Variants in DIDO1 observed in about 807,000 individuals in gnomAD.
DIDO1 encodes death inducer-obliterator 1.
Under a neutral mutation model 99.4 loss-of-function variants are expected in DIDO1, and 16 were observed. The ratio of observed to expected loss-of-function variants is 0.16; its 90% CI spans 0.11 to 0.24. The LOEUF is 0.24. Among genes scored for constraint, DIDO1 ranks in the 10% least tolerant of loss-of-function variants. The probability of loss-of-function intolerance (pLI) is 1.00; values close to 1 mark genes in which losing one functional copy is unlikely to be tolerated. For missense variants in DIDO1, 2,996 were observed against 3,014.0 expected (o/e 0.99, Z 0.14); for synonymous variants, 1,366 against 1,239.1 (o/e 1.10, Z -2.15).
chr20:62,909,097 G>A (rs2064869651), intron 4 of DIDO1, among the ~76,000 whole-genome samples: 1 of 152,228 alleles, frequency 6.6e-6, no homozygotes, highest in African/African-American at 2.4e-5. Context: ...GATGCTTCTA[G>A]ACACAGCAAT....
intron 6 of DIDO1, among the ~76,000 whole-genome samples, chr20:62,898,673 C>T (rs956097640): frequency 2.0e-5 from 3 of 152,238 alleles, no homozygotes; most frequent in Admixed American, 1.3e-4. Context: ...CTTGGCAACA[C>T]TGCCAAGCCC....
chr20:62,896,461 A>T lies in DIDO1; in HGVS notation c.2055-69T>A. 1.9e-6 allele frequency: 3 copies of T among 1,588,378 alleles called. No individual in the cohort carries two copies. The highest frequency in any genetic ancestry group is 2.6e-6 in the Non-Finnish European group (3 of 1,170,518). ...TATTAAACTTTTTGAACAGTGAGGC[A>T]ATCCTGCAGCCACACTCTAATGAAA... On this transcript the variant is annotated intron_variant, in intron 7 of 15. Transcript: ENST00000395343. This position sits in a 1 kb window ranked among gnomAD's most constrained non-coding sequence, Gnocchi z 4.4.
At position 62,879,821 on chromosome 20, in the gene DIDO1, C is replaced by T. The variant is rs761426255; in HGVS notation, c.6135G>A (p.Gly2045=). Residue 2045 remains glycine (G), a synonymous_variant, in exon 16 of 16, where the codon GGG becomes GGA. Coordinates refer to ENST00000395343, the MANE Select transcript of DIDO1 (RefSeq NM_001193369.2). The surrounding 1 kb of genome is among the most constrained non-coding windows in gnomAD (Gnocchi z 6.3). ...QHRKDRWEEA[G]PPSALSSSAP... The stretch of plus-strand genomic sequence containing the variant: ...CACTGGAGGAGAGCGCGGAGGGCGG[C>T]CCGGCCTCCTCCCAGCGGTCCTTCC... The T allele has an allele frequency of 6.2e-7, 1 of 1,609,104 alleles. No homozygotes were observed. Among genetic ancestry groups the T allele is most frequent in the South Asian group, 1.1e-5 (1 of 90,938 alleles).
chr20:62,882,365 T>C lies in DIDO1; in HGVS notation c.3591A>G (p.Gln1197=). ...PNIILGLVIC[Q]KIKRPANSGE... is the part of the protein sequence containing the mutation. ...CACTGTTTGCGGGACGTTTGATTTTTTGGCAGATTACTAACCCAAGAATTA... is the reference window on the plus strand; with the variant it reads ...CACTGTTTGCGGGACGTTTGATTTTCTGGCAGATTACTAACCCAAGAATTA... The change falls in exon 16 of 16, where the codon CAA becomes CAG. Residue 1197 remains glutamine, a synonymous_variant. Coordinates refer to ENST00000395343, the MANE Select transcript of DIDO1 (RefSeq NM_001193369.2). 1 of 1,614,024 alleles carries C rather than the reference T, an allele frequency of 6.2e-7. No individual in the cohort carries two copies. The highest frequency in any genetic ancestry group is 8.5e-7 in the Non-Finnish European group (1 of 1,180,022).
upstream of DIDO1, chr20:62,929,181 C>T (rs746313712): frequency 9.8e-5 from 15 of 152,286 alleles, no homozygotes; most frequent in Non-Finnish European, 1.3e-4. Context: ...CAGAGACGGC[C>T]CGTCCTCTCC....
chr20:62,933,106 G>A (rs1357494411), intron 1 of DIDO1, among the ~76,000 whole-genome samples: 3 of 152,260 alleles, frequency 2.0e-5, no homozygotes, highest in Admixed American at 1.3e-4. Flanking sequence ...CAGTTACTCA[G>A]GAGGCTGAGG....
At chr20:62,922,021 T>C (rs548068796) in intron 1 of DIDO1, among the ~76,000 whole-genome samples, 197 of 143,732 alleles carry the variant, frequency 1.4e-3, no homozygotes, top group Admixed American at 1.9e-3. Flanking sequence ...ATCCACACAA[T>C]ATATATCCAC....
Position 62,881,755 on chromosome 20 carries a change from G to A in DIDO1, c.4201C>T (p.Leu1401Phe), listed in dbSNP as rs1183549755. ...TCGTGGCGCCGCCCTCGCTCCACAA[G>A]CTGAGTGTCGAAGGCCCTCTCCGGG... Reference protein sequence around the residue: ...YDPERAFDTQLVERGRRHEVE... With the variant: ...YDPERAFDTQFVERGRRHEVE... The change falls in exon 16 of 16, where the codon CTT becomes TTT. Residue 1401 changes from leucine to phenylalanine, a missense_variant. Around this residue, in one of 5 missense-constraint regions of DIDO1, gnomAD observed 1,562 missense variants for 1,412.6 expected, o/e 1.11. Coordinates refer to ENST00000395343, the MANE Select transcript of DIDO1 (RefSeq NM_001193369.2). This position sits in a 1 kb window ranked among gnomAD's most constrained non-coding sequence, Gnocchi z 8.3. 5 of 1,613,092 alleles carry A rather than the reference G, an allele frequency of 3.1e-6. No individual in the cohort carries two copies. The highest frequency in any genetic ancestry group is 4.2e-6 in the Non-Finnish European group (5 of 1,180,040).
At chr20:62,905,515 T>G in intron 6 of DIDO1, 1 of 1,550,876 alleles carries the variant, frequency 6.4e-7, no homozygotes, top group Non-Finnish European at 8.7e-7. Flanking sequence ...GAACAACTCA[T>G]GTGCAGACAG....
Position 62,879,174 on chromosome 20 carries a change from T to C in DIDO1, c.*59A>G. On this transcript the variant is annotated 3_prime_UTR_variant, in exon 16 of 16. Transcript: ENST00000395343. This position sits in a 1 kb window ranked among gnomAD's most constrained non-coding sequence, Gnocchi z 6.3. ...AAGATCGTGGCTATTTCAAAAGCTA[T>C]TTGTTCAACGCATCTTACGAACGTG... 1 of 1,391,760 alleles carries C rather than the reference T, an allele frequency of 7.2e-7. No homozygotes were observed. The highest frequency in any genetic ancestry group is 9.4e-7 in the Non-Finnish European group (1 of 1,067,518). The allele number at this position is 1,391,760 out of a possible 1,614,324, so 86.2% of individuals were successfully genotyped here. A position where few individuals can be genotyped will look rare whatever the true frequency, so the allele number is the denominator to read the frequency against.
chr20:62,887,519 C>T (rs917220427), intron 15 of DIDO1: 1 of 985,342 alleles, frequency 1.0e-6, no homozygotes, highest in African/African-American at 1.7e-5. Flanking sequence ...GTGTTTCCTC[C>T]TGCCCTGTAC....
chr20:62,907,665 C>T (rs987243458), intron 4 of DIDO1, among the ~76,000 whole-genome samples: 1 of 152,222 alleles, frequency 6.6e-6, no homozygotes, highest in African/African-American at 2.4e-5. Context: ...CTCACATCCA[C>T]GATGAGGCTC....
intron 6 of DIDO1, among the ~76,000 whole-genome samples, chr20:62,901,673 C>T (rs978791112): frequency 3.0e-4 from 45 of 152,112 alleles, no homozygotes; most frequent in African/African-American, 1.1e-3. Flanking sequence ...GCTCTTCTTG[C>T]CGAACTCTTC....
intron 4 of DIDO1, among the ~76,000 whole-genome samples, chr20:62,908,120 C>T (rs1357151125): frequency 1.3e-5 from 2 of 152,120 alleles, no homozygotes; most frequent in Non-Finnish European, 2.9e-5. Flanking sequence ...GCTGGGACTA[C>T]AGGCACATAC....
At chr20:62,929,708 T>TATATATATATATATATAC (rs1235083855), upstream of DIDO1, among the ~76,000 whole-genome samples, 1 of 132,624 alleles carries the variant, frequency 7.5e-6, no homozygotes, top group African/African-American at 3.2e-5. Flanking sequence ...TATATATATA[T>TATATATATATATATATAC]ATATGCCTAC....
chr20:62,890,859 C>G, intron 15 of DIDO1, 101 bp downstream of exon 15: 1 of 1,600,318 alleles, frequency 6.2e-7, no homozygotes, highest in African/African-American at 1.3e-5. Context: ...CTCCTGCTCC[C>G]AGAGAGCCCT....
chr20:62,937,756 C>T, intron 1 of DIDO1: 1 of 398,066 alleles, frequency 2.5e-6, no homozygotes, highest in Non-Finnish European at 4.4e-6. Flanking sequence ...CCGCCCCACC[C>T]CGTGCGGCCT....
Position 62,881,402 on chromosome 20 carries a change from G to A in DIDO1, c.4554C>T (p.Asp1518=), listed in dbSNP as rs756935492. 13 of 1,606,964 alleles carry A rather than the reference G, an allele frequency of 8.1e-6. No individual in the cohort carries two copies. Among genetic ancestry groups the A allele is most frequent in the South Asian group, 6.6e-5 (6 of 91,080 alleles). The change falls in exon 16 of 16, where the codon GAC becomes GAT. Residue 1518 remains aspartate (D), a synonymous_variant. Transcript: ENST00000395343. The surrounding 1 kb of genome is among the most constrained non-coding windows in gnomAD (Gnocchi z 8.3). The part of the protein sequence containing the change: ...GVSMAHFSVS[D]ALMSPPPKSS... ...ACTTTGGTGGTGGAGACATCAAGGC[G>A]TCCGACACCGAGAAGTGGGCCATGG... is the stretch of plus-strand genomic sequence containing the variant.
At position 62,894,944 on chromosome 20, in the gene DIDO1, G is replaced by A. The variant is rs760408482; in HGVS notation, c.2332-30C>T. ...AATGAAAAAGACGAAACAGAGCTTA[G>A]GCCTTGTTTTCTAGGAGGAAAGCAT... On this transcript the variant is annotated intron_variant, in intron 9 of 15. Transcript: ENST00000395343. The surrounding 1 kb of genome is among the most constrained non-coding windows in gnomAD (Gnocchi z 4.4). The A allele has an allele frequency of 2.5e-6, 4 of 1,605,430 alleles. No individual in the cohort carries two copies. The highest frequency in any genetic ancestry group is 3.4e-6 in the Non-Finnish European group (4 of 1,173,906).
Sources: allele counts gnomAD v4.1 joint callset (sites outside exome capture counted in the v4.1 genomes callset), GRCh38; gene constraint gnomAD v4.1.1; regional missense constraint gnomAD v4.1.1; non-coding constraint Gnocchi (gnomAD v3.1); transcripts MANE v1.5; gene names NCBI Gene and HGNC (gene_info 2026-07-23, HGNC 2026-07-21).